OSBPL10: variants seen among roughly 807,000 people sequenced by gnomAD.
OSBPL10 encodes oxysterol-binding protein-related protein 10.
In OSBPL10, 49 loss-of-function variants were observed where a neutral mutation model predicts 81.7. The observed-to-expected ratio is 0.60, with a 90% confidence interval of 0.48 to 0.76. The LOEUF is 0.76. Among genes scored for constraint, OSBPL10 ranks in the 30% least tolerant of loss-of-function variants. OSBPL10 has a pLI of 0.00. For missense variants in OSBPL10, 923 were observed against 987.8 expected, an observed-to-expected ratio of 0.93 and a Z score of 0.88; for synonymous variants, 419 against 383.6, an observed-to-expected ratio of 1.09 and a Z score of -1.08.
At chr3:32,068,480 C>T (rs905975544) in intron 1 of OSBPL10, among the ~76,000 whole-genome samples, 14 of 151,870 alleles carry the variant, frequency 9.2e-5, no homozygotes, top group Non-Finnish European at 1.0e-4. Context: ...AACCTTCCAC[C>T]CTCCATTCCT....
At chr3:31,818,963 G>GT (rs1379870519) in intron 4 of OSBPL10, among the ~76,000 whole-genome samples, 1 of 152,222 alleles carries the variant, frequency 6.6e-6, no homozygotes, top group Non-Finnish European at 1.5e-5. Context: ...AGACACTGCC[G>GT]TGTTACTGGC....
chr3:31,912,395 G>A (rs924607428), intron 1 of OSBPL10, among the ~76,000 whole-genome samples: 10 of 72,850 alleles, frequency 1.4e-4, no homozygotes, highest in South Asian at 1.1e-3. Context: ...ACTCTGTCTC[G>A]GAAAAAAAAA....
chr3:31,899,363 A>G (rs1326434613), intron 1 of OSBPL10, among the ~76,000 whole-genome samples: 1 of 152,142 alleles, frequency 6.6e-6, no homozygotes, highest in Non-Finnish European at 1.5e-5. Context: ...AAAGAATAAA[A>G]ATGCAATATA....
intron 1 of OSBPL10, among the ~76,000 whole-genome samples, chr3:31,916,318 A>G (rs1696756531): frequency 6.6e-6 from 1 of 152,174 alleles, no homozygotes; most frequent in African/African-American, 2.4e-5. Context: ...CTACTCACCT[A>G]TTTCCCCAAT....
intron 6 of OSBPL10, among the ~76,000 whole-genome samples, chr3:31,727,217 T>C (rs564139281): frequency 4.3e-4 from 65 of 152,148 alleles, no homozygotes; most frequent in African/African-American, 1.5e-3. Flanking sequence ...TAGGAGATAG[T>C]GTAGTATGAA....
At chr3:31,825,084 C>T (rs2125516362) in intron 4 of OSBPL10, among the ~76,000 whole-genome samples, 1 of 152,136 alleles carries the variant, frequency 6.6e-6, no homozygotes, top group East Asian at 1.9e-4. Flanking sequence ...TTGTGGGCCA[C>T]CCAGGAGAGT....
At chr3:31,885,828 CAAAAAA>C (rs34871532) in intron 1 of OSBPL10, among the ~76,000 whole-genome samples, 6 of 122,612 alleles carry the variant, frequency 4.9e-5, no homozygotes, top group Non-Finnish European at 1.0e-4. Flanking sequence ...ACTAAAAATA[CAAAAAA>C]AAAAAAAAAA....
intron 6 of OSBPL10, chr3:31,710,481 A>C (rs1286995393): frequency 3.3e-5 from 5 of 152,234 alleles, no homozygotes; most frequent in African/African-American, 1.2e-4. Context: ...TTCCCCACTG[A>C]GGGCTTTGGG....
chr3:31,938,365 T>C (rs555125765), intron 1 of OSBPL10, among the ~76,000 whole-genome samples: 2 of 152,284 alleles, frequency 1.3e-5, no homozygotes, highest in South Asian at 2.1e-4. Flanking sequence ...CTCCTCAGGA[T>C]ACTCAACACC....
Position 31,668,756 on chromosome 3 carries a change from C to T in OSBPL10, c.1982G>A (p.Gly661Asp). 1.1e-5 allele frequency: 17 copies of T among 1,614,144 alleles called. No individual in the cohort carries two copies. Among genetic ancestry groups the T allele is most frequent in the Non-Finnish European group, 1.4e-5 (17 of 1,180,010 alleles). The change falls in exon 10 of 12, where the codon GGT becomes GAT. Residue 661 changes from glycine (G) to aspartate (D), a missense_variant. Coordinates refer to ENST00000396556, the MANE Select transcript of OSBPL10 (RefSeq NM_017784.5). ...IVCKAHGEWN[G>D]TLEFTYNNGE... is the part of the protein sequence containing the mutation. ...ATTGTTGTAGGTGAACTCTAAAGTA[C>T]CATTCCATTCCCCATGGGCTTTACA...
At chr3:31,906,243 C>G (rs1696406208) in intron 1 of OSBPL10, among the ~76,000 whole-genome samples, 1 of 152,182 alleles carries the variant, frequency 6.6e-6, no homozygotes, top group South Asian at 2.1e-4. Context: ...ATATAACCCA[C>G]TTCAACTCTC....
At chr3:32,012,646 G>A (rs1293013304) in intron 2 of OSBPL10, among the ~76,000 whole-genome samples, 1 of 152,158 alleles carries the variant, frequency 6.6e-6, no homozygotes, top group Non-Finnish European at 1.5e-5. Context: ...ACACAGACTG[G>A]CAAATTGGAT....
intron 1 of OSBPL10, among the ~76,000 whole-genome samples, chr3:31,923,236 C>A (rs1696969421): frequency 6.6e-6 from 1 of 152,130 alleles, no homozygotes; most frequent in Non-Finnish European, 1.5e-5. Flanking sequence ...GGGAGCTAAA[C>A]CACCAATTTG....
Position 31,662,943 on chromosome 3 carries a change from C to T in OSBPL10, c.2251-827G>A. 4.1e-6 allele frequency: 4 copies of T among 985,462 alleles called. No individual in the cohort carries two copies. In the African/African-American group the frequency reaches 7.0e-5, roughly 17 times the overall value. 61.0% of individuals were successfully genotyped at this position (985,462 alleles called of 1,614,324 possible). Reference sequence around the variant, plus strand: ...GTCCCCACTCAGTGACCCATAAAGGCAAAGTCTTCTCCAGGCAGCTTTCCT... The same window carrying T: ...GTCCCCACTCAGTGACCCATAAAGGTAAAGTCTTCTCCAGGCAGCTTTCCT... On this transcript the variant is annotated intron_variant, in intron 11 of 11. Transcript: ENST00000396556.
intron 3 of OSBPL10, 45 bp downstream of exon 3, chr3:31,876,388 A>G: frequency 2.0e-6 from 3 of 1,501,590 alleles, no homozygotes; most frequent in Non-Finnish European, 2.8e-6. Flanking sequence ...GCTGAAAGCC[A>G]GGCTGGTTAT....
At chr3:31,906,795 C>T (rs1696419738) in intron 1 of OSBPL10, 1 of 152,192 alleles carries the variant, frequency 6.6e-6, no homozygotes, top group South Asian at 2.1e-4. Flanking sequence ...AGAGGTTGTA[C>T]CTGGTGATAA....
chr3:31,870,164 G>A (rs1284140813), intron 3 of OSBPL10, among the ~76,000 whole-genome samples: 1 of 152,248 alleles, frequency 6.6e-6, no homozygotes, highest in East Asian at 1.9e-4. Context: ...TGCGCTTGCG[G>A]GCCAGCTGGA....
At chr3:32,026,092 T>TA (rs1553649758) in intron 2 of OSBPL10, among the ~76,000 whole-genome samples, 61,740 of 135,168 alleles carry the variant, frequency 0.46, 15,029 homozygotes, top group East Asian at 0.63. Context: ...GATAGATAGA[T>TA]GATAGATAGA....
chr3:32,044,512 C>T (rs909127464), intron 2 of OSBPL10, among the ~76,000 whole-genome samples: 20 of 151,226 alleles, frequency 1.3e-4, no homozygotes, highest in South Asian at 1.2e-3. Context: ...GAGGCCAAGG[C>T]GGGCAGATCA....
Sources: allele counts gnomAD v4.1 joint callset (sites outside exome capture counted in the v4.1 genomes callset), GRCh38; gene constraint gnomAD v4.1.1; transcripts MANE v1.5; gene names NCBI Gene and HGNC (gene_info 2026-07-23, HGNC 2026-07-21).